Variants in NRG3 observed in about 807,000 individuals in gnomAD.
NRG3 encodes the protein neuregulin 3, also known as pro-neuregulin-3, membrane-bound isoform.
A neutral mutation model predicts 66.9 loss-of-function variants in NRG3; 31 were observed. The ratio of observed to expected loss-of-function variants is 0.46; its 90% CI spans 0.35 to 0.63. The LOEUF (loss-of-function observed/expected upper bound fraction) is 0.63, where lower values mean the gene tolerates loss of function less well. Ranked by LOEUF, NRG3 falls within the 20% of genes least tolerant of loss-of-function variation. The pLI, the probability that NRG3 is intolerant of heterozygous loss-of-function variation, is 0.00. For missense variants in NRG3, 910 were observed against 878.9 expected (o/e 1.04, Z -0.45); for synonymous variants, 393 against 359.4 (o/e 1.09, Z -1.06).
At chr10:82,201,212 A>AG (rs2074800611) in intron 1 of NRG3, among the ~76,000 whole-genome samples, 1 of 151,302 alleles carries the variant, frequency 6.6e-6, no homozygotes. Flanking sequence ...AAAAAAAAAA[A>AG]AAAAAGACAG....
intron 2 of NRG3, among the ~76,000 whole-genome samples, chr10:82,479,739 G>T (rs1842096348): frequency 1.3e-5 from 2 of 151,446 alleles, no homozygotes; most frequent in Admixed American, 6.6e-5. Context: ...AGGCCGAGGC[G>T]GGCGGATCAC....
At chr10:82,243,066 A>G (rs1274838418) in intron 1 of NRG3, among the ~76,000 whole-genome samples, 4 of 152,194 alleles carry the variant, frequency 2.6e-5, no homozygotes, top group Non-Finnish European at 2.9e-5. Context: ...CCTTCCATAA[A>G]ATTTTATTGT....
chr10:82,150,530 C>CAAAAAAAAAAAAAA (rs1188955647), intron 1 of NRG3, among the ~76,000 whole-genome samples: 4 of 26,676 alleles, frequency 1.5e-4, no homozygotes, highest in Non-Finnish European at 3.0e-4. Flanking sequence ...AGAGCACACA[C>CAAAAAAAAAAAAAA]AAAAAAAAAA....
At chr10:82,179,223 T>G (rs1444631014) in intron 1 of NRG3, among the ~76,000 whole-genome samples, 2 of 152,084 alleles carry the variant, frequency 1.3e-5, no homozygotes, top group East Asian at 3.8e-4. Flanking sequence ...TAATTGTTTC[T>G]TTTGCTGTGC....
chr10:82,217,481 A>T (rs1356255729), intron 1 of NRG3, among the ~76,000 whole-genome samples: 1 of 152,210 alleles, frequency 6.6e-6, no homozygotes, highest in Non-Finnish European at 1.5e-5. Context: ...TCTTGAGGTT[A>T]TTCTGATTCC....
intron 3 of NRG3, among the ~76,000 whole-genome samples, chr10:82,741,650 G>A (rs985954466): frequency 1.3e-5 from 2 of 152,096 alleles, no homozygotes; most frequent in Non-Finnish European, 2.9e-5. Context: ...TTTTATAGAT[G>A]AGAAAATTAG....
intron 2 of NRG3, among the ~76,000 whole-genome samples, chr10:82,481,737 C>T (rs11194620): frequency 0.053 from 8,091 of 152,134 alleles, 487 homozygotes; most frequent in East Asian, 0.17. Flanking sequence ...TTAATTTTAG[C>T]ACTTTGGGAG....
chr10:82,452,446 C>A (rs1297158489), intron 2 of NRG3, among the ~76,000 whole-genome samples: 1 of 152,116 alleles, frequency 6.6e-6, no homozygotes. Flanking sequence ...TAAATTTATT[C>A]CTTGTGGTTT....
intron 4 of NRG3, among the ~76,000 whole-genome samples, chr10:82,913,757 G>A (rs1460212860): frequency 6.6e-6 from 1 of 152,062 alleles, no homozygotes; most frequent in Admixed American, 6.5e-5. Flanking sequence ...TTGATTTTGT[G>A]CAGATTTAAC....
At chr10:82,931,604 A>AT (rs1484052349) in intron 4 of NRG3, among the ~76,000 whole-genome samples, 1 of 152,138 alleles carries the variant, frequency 6.6e-6, no homozygotes, top group East Asian at 1.9e-4. Flanking sequence ...CGTTCATTGC[A>AT]TTTTGAAACC....
intron 1 of NRG3, among the ~76,000 whole-genome samples, chr10:82,344,041 A>T (rs1032733092): frequency 2.0e-5 from 3 of 150,966 alleles, no homozygotes; most frequent in South Asian, 2.1e-4. Context: ...ATTCTCATTT[A>T]AAAAAACTGC....
chr10:82,737,537 A>AT lies in NRG3; in HGVS notation c.954-1032dup, dbSNP rs879523082. 1.4e-3 allele frequency among the ~76,000 whole-genome samples: 215 copies of AT among 152,012 alleles called. 1 individual carries two copies. Among genetic ancestry groups the AT allele is most frequent in the Admixed American group, 6.2e-3 (95 of 15,258 alleles). ...AGCAGAGAATTGTTTTTTAAATCTG[A>AT]TTTTTTTTAATGCCAGCAGCACTAT... On this transcript the variant is annotated intron_variant, in intron 2 of 8. Transcript: ENST00000372141.
chr10:82,613,273 A>G (rs1008653408), intron 2 of NRG3, among the ~76,000 whole-genome samples: 3 of 151,958 alleles, frequency 2.0e-5, no homozygotes, highest in African/African-American at 7.2e-5. Flanking sequence ...TCCTATTTTT[A>G]CTCATGTAGT....
chr10:82,785,679 A>T (rs1472399672), intron 3 of NRG3, among the ~76,000 whole-genome samples: 1 of 152,182 alleles, frequency 6.6e-6, no homozygotes, highest in Non-Finnish European at 1.5e-5. Flanking sequence ...TTAAGCAGCA[A>T]AGTGTTTACA....
At chr10:82,050,431 G>A (rs113361128) in intron 1 of NRG3, among the ~76,000 whole-genome samples, 1,944 of 152,048 alleles carry the variant, frequency 0.013, 45 homozygotes, top group African/African-American at 0.044. Flanking sequence ...AGATGAATGG[G>A]TGGCTGGCTG....
chr10:82,955,660 T>C (rs1393446469), intron 5 of NRG3, among the ~76,000 whole-genome samples: 2 of 151,892 alleles, frequency 1.3e-5, no homozygotes, highest in African/African-American at 2.4e-5. Flanking sequence ...CAGTAAAATG[T>C]AGACACGGTA....
At chr10:82,862,245 C>A (rs1052969968) in intron 3 of NRG3, among the ~76,000 whole-genome samples, 2 of 152,062 alleles carry the variant, frequency 1.3e-5, no homozygotes, top group African/African-American at 4.8e-5. Flanking sequence ...GGGAAGAGAA[C>A]AAAAGTCTGT....
intron 2 of NRG3, among the ~76,000 whole-genome samples, chr10:82,610,222 C>T (rs1480016161): frequency 6.6e-6 from 1 of 152,140 alleles, no homozygotes; most frequent in Admixed American, 6.6e-5. Flanking sequence ...TCAGTAAAAG[C>T]GTAGACTTTT....
chr10:82,607,869 C>T (rs1276535001), intron 2 of NRG3, among the ~76,000 whole-genome samples: 1 of 152,026 alleles, frequency 6.6e-6, no homozygotes, highest in Non-Finnish European at 1.5e-5. Flanking sequence ...ACAGAGAAGT[C>T]CCAGTCCCTC....
Sources: gnomAD v4.1 joint callset for allele counts (sites outside exome capture counted in the v4.1 genomes callset) on GRCh38, gnomAD v4.1.1 for gene constraint, MANE v1.5 for transcripts, NCBI Gene and HGNC (gene_info 2026-07-23, HGNC 2026-07-21) for gene names.